Variants in ZFYVE26 observed in about 807,000 individuals in gnomAD.
The protein encoded by ZFYVE26 is zinc finger FYVE-type containing 26.
A neutral mutation model predicts 276.5 loss-of-function variants in ZFYVE26; 181 were observed. The ratio of observed to expected loss-of-function variants is 0.65; its 90% CI spans 0.58 to 0.74. The LOEUF is 0.74. Among genes scored for constraint, ZFYVE26 ranks in the 30% least tolerant of loss-of-function variants. The pLI, the probability that ZFYVE26 is intolerant of heterozygous loss-of-function variation, is 0.00. For synonymous variants in ZFYVE26, 1,129 were observed against 1,203.1 expected (o/e 0.94, Z 1.27); for missense variants, 2,821 against 3,097.9 (o/e 0.91, Z 2.12).
intron 13 of ZFYVE26, among the ~76,000 whole-genome samples, chr14:67,740,498 T>A (rs1164633406): frequency 6.6e-6 from 1 of 152,200 alleles, no homozygotes; most frequent in Non-Finnish European, 1.5e-5. Flanking sequence ...TTAGTTAATT[T>A]TATGATTTTT....
chr14:67,797,935 A>G, intron 11 of ZFYVE26, 79 bp downstream of exon 11: 1 of 1,607,600 alleles, frequency 6.2e-7, no homozygotes, highest in Non-Finnish European at 8.5e-7. Flanking sequence ...ACTCCTATGT[A>G]CTCCTAGCTC....
chr14:67,791,440 G>T (rs1177120511), intron 14 of ZFYVE26, among the ~76,000 whole-genome samples: 1 of 152,062 alleles, frequency 6.6e-6, no homozygotes, highest in Non-Finnish European at 1.5e-5. Flanking sequence ...ATGTAAAAAT[G>T]CATGATATAA....
Position 67,798,491 on chromosome 14 carries a change from G to A in ZFYVE26, c.1771C>T (p.Pro591Ser). The change falls in exon 11 of 42, where the codon CCA becomes TCA. Residue 591 changes from proline (P) to serine (S), a missense_variant. Coordinates refer to ENST00000347230, the MANE Select transcript of ZFYVE26 (RefSeq NM_015346.4). ...LLLITSADLH[P>S]EPHLPEDYAE... is the part of the protein sequence containing the mutation. ...TAGTCCTCAGGCAAGTGAGGCTCTGGGTGAAGATCAGCAGAGGTGATGAGA... is the reference window on the plus strand; with the variant it reads ...TAGTCCTCAGGCAAGTGAGGCTCTGAGTGAAGATCAGCAGAGGTGATGAGA... 6.2e-7 allele frequency: 1 copy of A among 1,614,140 alleles called. No homozygotes were observed. The highest frequency in any genetic ancestry group is 8.5e-7 in the Non-Finnish European group (1 of 1,180,038).
At chr14:67,759,750 T>G (rs4899223) in intron 35 of ZFYVE26, among the ~76,000 whole-genome samples, 147,701 of 152,258 alleles carry the variant, frequency 0.97, 71,777 homozygotes, top group East Asian at 1. Context: ...TGATCCTGGT[T>G]AGTTCTGTAG....
At chr14:67,752,602 T>G in intron 39 of ZFYVE26, 76 bp from the exon 40 acceptor site, 1 of 1,479,566 alleles carries the variant, frequency 6.8e-7, no homozygotes, top group African/African-American at 1.4e-5. Flanking sequence ...ATTTAAAAGC[T>G]CTCACTATGC....
At chr14:67,809,081 C>T in intron 4 of ZFYVE26, 119 bp downstream of exon 4, 1 of 894,162 alleles carries the variant, frequency 1.1e-6, no homozygotes. Flanking sequence ...TCTGTGTTGC[C>T]TTGCCTGAGA....
chr14:67,762,158 G>A (rs1594892042), intron 34 of ZFYVE26, 45 bp downstream of exon 34: 1 of 1,588,200 alleles, frequency 6.3e-7, no homozygotes, highest in Non-Finnish European at 8.6e-7. Flanking sequence ...TGCTATTCCT[G>A]GGTCTCCCTC....
At chr14:67,739,114 T>A (rs1051530075) in intron 13 of ZFYVE26, among the ~76,000 whole-genome samples, 1 of 152,116 alleles carries the variant, frequency 6.6e-6, no homozygotes, top group African/African-American at 2.4e-5. Flanking sequence ...GCCGGTGGGA[T>A]GTGGAAGGAG....
intron 3 of ZFYVE26, among the ~76,000 whole-genome samples, chr14:67,811,764 CAT>C (rs530903860): frequency 1.5e-3 from 222 of 148,768 alleles, no homozygotes; most frequent in African/African-American, 2.2e-3. Flanking sequence ...ATATATATAA[CAT>C]ATGTTAGTTT....
chr14:67,807,576 C>A lies in ZFYVE26; in HGVS notation c.708G>T (p.Leu236Phe). 1 of 1,614,220 alleles carries A rather than the reference C, an allele frequency of 6.2e-7. No individual in the cohort carries two copies. The highest frequency in any genetic ancestry group is 8.5e-7 in the Non-Finnish European group (1 of 1,180,032). ...CTAGTAGTTCCTCACACAGGAGATG[C>A]AACTCAACCCCAAGTGGTTCTGCGG... is the stretch of plus-strand genomic sequence containing the variant. Reference protein sequence around the residue: ...RCPAEPLGVELHLLCEELLEA... With the variant: ...RCPAEPLGVEFHLLCEELLEA... The change falls in exon 5 of 42, where the codon TTG (leucine) becomes TTT (phenylalanine). Residue 236 changes from leucine (L) to phenylalanine (F), a missense_variant. Coordinates refer to ENST00000347230, the MANE Select transcript of ZFYVE26 (RefSeq NM_015346.4).
downstream of ZFYVE26, among the ~76,000 whole-genome samples, chr14:67,744,245 T>C (rs951263549): frequency 1.6e-4 from 24 of 152,160 alleles, no homozygotes; most frequent in Non-Finnish European, 3.5e-4. Context: ...GTCTCAGGTT[T>C]CTAAATATAG....
intron 29 of ZFYVE26, among the ~76,000 whole-genome samples, chr14:67,769,100 G>C (rs150386574): frequency 3.3e-5 from 5 of 152,262 alleles, no homozygotes; most frequent in African/African-American, 1.2e-4. Context: ...GGTATGAGCA[G>C]TTTCTGAAAT....
At position 67,782,954 on chromosome 14, in the gene ZFYVE26, C is replaced by T. The variant is rs187616174; in HGVS notation, c.4198G>A (p.Val1400Ile). The change falls in exon 21 of 42, where the codon GTT (valine) becomes ATT (isoleucine). Residue 1400 changes from valine to isoleucine, a missense_variant. By Grantham distance (29) the Val-to-Ile change is conservative (BLOSUM62 3). Transcript: ENST00000347230. ...NLCGWASLST[V>I]LLGLHSPIAL... ...ATGGGAGAATGTAGGCCCAGGAGAA[C>T]GGTAGAAAGACTGGCCCAACCACAG... The T allele has an allele frequency of 4.3e-5, 69 of 1,614,192 alleles. 1 individual carries two copies. The Middle Eastern group carries it at 4.9e-4, about 12-fold the overall frequency.
intron 3 of ZFYVE26, among the ~76,000 whole-genome samples, chr14:67,813,650 C>G (rs2040344926): frequency 6.6e-6 from 1 of 152,230 alleles, no homozygotes; most frequent in African/African-American, 2.4e-5. Context: ...TTCAGCTCAG[C>G]CCATTCTCTA....
chr14:67,755,326 C>T (rs750632994), intron 36 of ZFYVE26, 76 bp from the exon 37 acceptor site: 1 of 1,531,764 alleles, frequency 6.5e-7, no homozygotes, highest in Non-Finnish European at 9.0e-7. Context: ...GAATTCTCAT[C>T]TGATTTCTGC....
At chr14:67,741,249 T>C (rs532546112) in intron 13 of ZFYVE26, among the ~76,000 whole-genome samples, 1 of 152,216 alleles carries the variant, frequency 6.6e-6, no homozygotes, top group African/African-American at 2.4e-5. Flanking sequence ...AGAGTAAATG[T>C]TTAGGGTATC....
intron 15 of ZFYVE26, among the ~76,000 whole-genome samples, chr14:67,790,252 A>G (rs2039775405): frequency 6.6e-6 from 1 of 152,244 alleles, no homozygotes; most frequent in African/African-American, 2.4e-5. Context: ...ATGGGAAGGA[A>G]ATAAACTCCT....
chr14:67,775,893 C>G lies in ZFYVE26; in HGVS notation c.5188G>C (p.Asp1730His), dbSNP rs773967902. The change falls in exon 26 of 42, where the codon GAC becomes CAC. Residue 1730 changes from aspartate to histidine, a missense_variant. By Grantham distance (81) the Asp-to-His change is moderately conservative. Coordinates refer to ENST00000347230, the MANE Select transcript of ZFYVE26 (RefSeq NM_015346.4). ...TTCTCCCTCTGAGGGTATGGAAAGT[C>G]CAGGGCTTTCTCTGCGTATCTGGAA... ...LLSRYAEKAL[D>H]FPYPQREKRS... is the part of the protein sequence containing the mutation. The G allele has an allele frequency of 6.2e-7, 1 of 1,614,200 alleles. No homozygotes were observed. The highest frequency in any genetic ancestry group is 8.5e-7 in the Non-Finnish European group (1 of 1,180,028).
At chr14:67,765,461 T>C (rs961273082) in intron 32 of ZFYVE26, among the ~76,000 whole-genome samples, 2 of 152,196 alleles carry the variant, frequency 1.3e-5, no homozygotes, top group African/African-American at 4.8e-5. Flanking sequence ...CTGTGCTCCA[T>C]GCTGGCTGCT....
Sources: allele counts gnomAD v4.1 joint callset (sites outside exome capture counted in the v4.1 genomes callset), GRCh38; gene constraint gnomAD v4.1.1; transcripts MANE v1.5; gene names NCBI Gene and HGNC (gene_info 2026-07-23, HGNC 2026-07-21).